AKAP6: variants seen among roughly 807,000 people sequenced by gnomAD.
AKAP6 encodes the protein A-kinase anchor protein 6.
In AKAP6, 58 loss-of-function variants were observed where a neutral mutation model predicts 188.5. That is an observed-to-expected ratio of 0.31 (90% CI 0.25 to 0.38). AKAP6 has a LOEUF of 0.38. Among genes scored for constraint, AKAP6 ranks in the 10% least tolerant of loss-of-function variants. The probability of loss-of-function intolerance (pLI) is 1.00; values close to 1 mark genes in which losing one functional copy is unlikely to be tolerated. For synonymous variants in AKAP6, 989 were observed against 998.6 expected, an observed-to-expected ratio of 0.99 and a Z score of 0.18; for missense variants, 2,710 against 2,740.0, an observed-to-expected ratio of 0.99 and a Z score of 0.24.
chr14:32,812,211 A>G (rs533208622), intron 12 of AKAP6, among the ~76,000 whole-genome samples: 9 of 152,316 alleles, frequency 5.9e-5, no homozygotes, highest in African/African-American at 2.2e-4. Context: ...TGTCATTCAA[A>G]CAGATTTACC....
At chr14:32,716,610 TTATA>T (rs1478038117) in intron 9 of AKAP6, among the ~76,000 whole-genome samples, 2 of 148,334 alleles carry the variant, frequency 1.3e-5, no homozygotes, top group Non-Finnish European at 3.0e-5. Context: ...ATATATATAA[TTATA>T]TATTATCTAC....
At chr14:32,432,704 A>G (rs542209934) in intron 1 of AKAP6, among the ~76,000 whole-genome samples, 1 of 152,156 alleles carries the variant, frequency 6.6e-6, no homozygotes, top group African/African-American at 2.4e-5. Flanking sequence ...ACATCTTCCC[A>G]CGTAGCTGTC....
intron 1 of AKAP6, among the ~76,000 whole-genome samples, chr14:32,414,890 G>A (rs984901953): frequency 5.9e-5 from 9 of 152,140 alleles, no homozygotes; most frequent in African/African-American, 1.4e-4. Context: ...ACTGAATTTA[G>A]CTTGCCTTTG....
chr14:32,788,040 C>CAA (rs10606532), intron 12 of AKAP6, among the ~76,000 whole-genome samples: 77 of 96,296 alleles, frequency 8.0e-4, no homozygotes, highest in African/African-American at 2.6e-3. Context: ...GACCCCATCT[C>CAA]AAAAAAAAAA....
intron 8 of AKAP6, among the ~76,000 whole-genome samples, chr14:32,683,343 T>G: frequency 6.6e-6 from 1 of 152,032 alleles, no homozygotes; most frequent in East Asian, 1.9e-4. Flanking sequence ...GCTTTGGGCA[T>G]TAGAGACTTT....
At chr14:32,640,292 C>T (rs1887699120) in intron 7 of AKAP6, among the ~76,000 whole-genome samples, 1 of 152,012 alleles carries the variant, frequency 6.6e-6, no homozygotes, top group South Asian at 2.1e-4. Context: ...ACCACCTTTC[C>T]TGTCTAGGTC....
intron 12 of AKAP6, among the ~76,000 whole-genome samples, chr14:32,811,242 A>AG (rs2034223057): frequency 1.7e-5 from 1 of 59,208 alleles, no homozygotes; most frequent in Non-Finnish European, 3.3e-5. Flanking sequence ...CCGTCTCAGG[A>AG]AAAAAAAAAA....
rs1224831381 is a variant in AKAP6, at chr14:32,722,202, A to C, written c.3001-10252A>C. 3.3e-5 allele frequency among the ~76,000 whole-genome samples: 5 copies of C among 152,104 alleles called. No homozygotes were observed. In the South Asian group the frequency reaches 8.3e-4, roughly 25 times the overall value. ...AGCTTGACCCTTGGGGAAGTATTGA[A>C]TCTTCTCCCTTACTGAAGTGCTTTT... is the stretch of plus-strand genomic sequence containing the variant. On this transcript the variant is annotated intron_variant, in intron 9 of 13. Transcript: ENST00000280979.
intron 2 of AKAP6, among the ~76,000 whole-genome samples, chr14:32,521,919 T>A (rs1359571880): frequency 6.6e-6 from 1 of 152,152 alleles, no homozygotes; most frequent in African/African-American, 2.4e-5. Context: ...GGAGACATCA[T>A]GCTACCTGAC....
At chr14:32,655,998 C>T (rs151039208) in intron 7 of AKAP6, among the ~76,000 whole-genome samples, 1,765 of 152,086 alleles carry the variant, frequency 0.012, 17 homozygotes, top group Middle Eastern at 0.02. Flanking sequence ...AAATATCTCT[C>T]GTCTAGATAT....
At chr14:32,466,088 G>A (rs183031363) in intron 2 of AKAP6, among the ~76,000 whole-genome samples, 4 of 152,314 alleles carry the variant, frequency 2.6e-5, no homozygotes, top group East Asian at 3.9e-4. Context: ...AGATGCTGGC[G>A]AGGCTGTGGA....
In AKAP6 at chr14:32,443,661, C is replaced by CT. The variant is rs558523848; in HGVS notation, c.324+9852dup. Among the ~76,000 whole-genome samples, 60 of 152,150 alleles carry CT rather than the reference C, an allele frequency of 3.9e-4. No homozygotes were observed. The East Asian group carries it at 9.8e-3, about 25-fold the overall frequency. The stretch of plus-strand genomic sequence containing the variant: ...ACAGACAGCCAAGGATTTAAATACA[C>CT]TTTTTTTTCCCCTCAGGAGCGAGGG... On this transcript the variant is annotated intron_variant, in intron 2 of 13. Transcript: ENST00000280979.
intron 2 of AKAP6, among the ~76,000 whole-genome samples, chr14:32,522,382 A>G (rs1430466568): frequency 6.6e-6 from 1 of 152,178 alleles, no homozygotes; most frequent in Non-Finnish European, 1.5e-5. Context: ...AAAAGAAACT[A>G]CCATCAGAGT....
At chr14:32,650,408 T>A (rs1594812313) in intron 7 of AKAP6, among the ~76,000 whole-genome samples, 1 of 150,920 alleles carries the variant, frequency 6.6e-6, no homozygotes, top group South Asian at 2.1e-4. Context: ...AGGCCAGGAG[T>A]TCAATACCAG....
At chr14:32,682,463 G>C (rs987703772) in intron 8 of AKAP6, among the ~76,000 whole-genome samples, 2 of 152,204 alleles carry the variant, frequency 1.3e-5, no homozygotes, top group Non-Finnish European at 2.9e-5. Context: ...GCAAGTGCTA[G>C]GTACCCAGTA....
chr14:32,357,143 A>G (rs1038273242), intron 1 of AKAP6, among the ~76,000 whole-genome samples: 2 of 152,198 alleles, frequency 1.3e-5, no homozygotes, highest in East Asian at 3.8e-4. Flanking sequence ...TTTTTGACAT[A>G]TTTAGTGTTA....
chr14:32,462,595 A>C (rs1488286554), intron 2 of AKAP6, among the ~76,000 whole-genome samples: 6 of 152,182 alleles, frequency 3.9e-5, no homozygotes, highest in Admixed American at 2.0e-4. Flanking sequence ...ATGGAAAGGA[A>C]AAACCAGTAC....
In AKAP6 at chr14:32,458,069, A is replaced by G. The variant is rs528166646; in HGVS notation, c.324+24252A>G. ...AGCCTTGGCAAATACATATAAGTAT[A>G]TAAAAGAAAGTTAATTTGTTTAGGA... is the stretch of plus-strand genomic sequence containing the variant. On this transcript the variant is annotated intron_variant, in intron 2 of 13. Coordinates refer to ENST00000280979, the MANE Select transcript of AKAP6 (RefSeq NM_004274.5). 2.6e-5 allele frequency among the ~76,000 whole-genome samples: 4 copies of G among 152,350 alleles called. No homozygotes were observed. In the South Asian group the frequency reaches 8.3e-4, roughly 32 times the overall value.
intron 4 of AKAP6, among the ~76,000 whole-genome samples, chr14:32,562,918 A>G (rs1884017157): frequency 6.6e-6 from 1 of 152,042 alleles, no homozygotes; most frequent in Non-Finnish European, 1.5e-5. Context: ...ATGCCATTGT[A>G]TTTATTCCTG....
Sources: gnomAD v4.1 joint callset for allele counts (sites outside exome capture counted in the v4.1 genomes callset) on GRCh38, gnomAD v4.1.1 for gene constraint, MANE v1.5 for transcripts, NCBI Gene and HGNC (gene_info 2026-07-23, HGNC 2026-07-21) for gene names.